NKAIN2: variants seen among roughly 807,000 people sequenced by gnomAD.
The protein encoded by NKAIN2 is sodium/potassium transporting ATPase interacting 2, also known as sodium/potassium-transporting ATPase subunit beta-1-interacting protein 2.
A neutral mutation model predicts 32.6 loss-of-function variants in NKAIN2; 14 were observed. The observed-to-expected ratio is 0.43, with a 90% CI of 0.28 to 0.67. The LOEUF (loss-of-function observed/expected upper bound fraction) is 0.67, where lower values mean the gene tolerates loss of function less well. Ranked by LOEUF, NKAIN2 falls within the 30% of genes least tolerant of loss-of-function variation. NKAIN2 has a pLI of 0.17. For missense variants in NKAIN2, 198 were observed against 258.3 expected (o/e 0.77, Z 1.60); for synonymous variants, 80 against 87.2 (o/e 0.92, Z 0.46).
chr6:124,410,804 C>T (rs934684390), intron 3 of NKAIN2, among the ~76,000 whole-genome samples: 3 of 152,156 alleles, frequency 2.0e-5, no homozygotes, highest in Admixed American at 6.5e-5. Flanking sequence ...GTTAAAGTCT[C>T]CCATTATTAT....
chr6:124,218,726 G>T (rs1791619988), intron 1 of NKAIN2, among the ~76,000 whole-genome samples: 1 of 152,146 alleles, frequency 6.6e-6, no homozygotes, highest in African/African-American at 2.4e-5. Flanking sequence ...GATAGATTTA[G>T]TGTGCTCTGT....
At chr6:124,415,374 C>T (rs1264150539) in intron 3 of NKAIN2, among the ~76,000 whole-genome samples, 1 of 152,186 alleles carries the variant, frequency 6.6e-6, no homozygotes, top group African/African-American at 2.4e-5. Flanking sequence ...AACTATATTA[C>T]AAAGGATACA....
At chr6:124,667,464 TA>T (rs1302229739) in intron 4 of NKAIN2, among the ~76,000 whole-genome samples, 1 of 152,126 alleles carries the variant, frequency 6.6e-6, no homozygotes, top group Non-Finnish European at 1.5e-5. Context: ...ATAAGTAAAG[TA>T]TATGAAGATA....
At chr6:124,684,717 A>C (rs993956281) in intron 4 of NKAIN2, among the ~76,000 whole-genome samples, 1 of 152,118 alleles carries the variant, frequency 6.6e-6, no homozygotes, top group East Asian at 1.9e-4. Context: ...CTGCAGCCTC[A>C]TTCATTAGTT....
intron 1 of NKAIN2, among the ~76,000 whole-genome samples, chr6:123,878,348 A>G (rs981355362): frequency 6.6e-6 from 1 of 152,194 alleles, no homozygotes; most frequent in Non-Finnish European, 1.5e-5. Flanking sequence ...TTACTGAATT[A>G]GTCATTTCCT....
chr6:124,431,637 C>T (rs1474824543), intron 3 of NKAIN2, among the ~76,000 whole-genome samples: 1 of 152,060 alleles, frequency 6.6e-6, no homozygotes, highest in African/African-American at 2.4e-5. Flanking sequence ...GATATAACAT[C>T]TATGGAAAAT....
intron 4 of NKAIN2, among the ~76,000 whole-genome samples, chr6:124,735,697 G>A (rs892983301): frequency 1.7e-4 from 26 of 151,598 alleles, no homozygotes; most frequent in South Asian, 1.0e-3. Flanking sequence ...CAACTATTTC[G>A]TTGTTATCGT....
intron 1 of NKAIN2, among the ~76,000 whole-genome samples, chr6:124,274,024 T>C (rs1426545359): frequency 1.3e-5 from 2 of 152,206 alleles, no homozygotes; most frequent in Non-Finnish European, 2.9e-5. Context: ...CAGGAAGGCC[T>C]GCACTGTGAT....
At chr6:124,171,473 A>G (rs1788853761) in intron 1 of NKAIN2, among the ~76,000 whole-genome samples, 1 of 151,814 alleles carries the variant, frequency 6.6e-6, no homozygotes. Context: ...TCTTAAAGCA[A>G]TTAGAAAACC....
At chr6:124,432,205 G>A (rs1775248080) in intron 3 of NKAIN2, among the ~76,000 whole-genome samples, 1 of 152,134 alleles carries the variant, frequency 6.6e-6, no homozygotes, top group South Asian at 2.1e-4. Flanking sequence ...GGGTCAGAAA[G>A]TCAGGGAATT....
chr6:124,470,768 T>C (rs1481249519), intron 3 of NKAIN2, among the ~76,000 whole-genome samples: 1 of 152,096 alleles, frequency 6.6e-6, no homozygotes, highest in Non-Finnish European at 1.5e-5. Flanking sequence ...AATGGGGAGA[T>C]AGATGAATTG....
At chr6:124,229,501 CAGAT>C (rs371937856) in intron 1 of NKAIN2, among the ~76,000 whole-genome samples, 4,592 of 142,930 alleles carry the variant, frequency 0.032, 74 homozygotes, top group African/African-American at 0.049. Context: ...GATAGATAGA[CAGAT>C]AGATAGATAG....
intron 4 of NKAIN2, among the ~76,000 whole-genome samples, chr6:124,714,633 G>C (rs546201905): frequency 1.9e-4 from 29 of 152,152 alleles, no homozygotes; most frequent in African/African-American, 6.8e-4. Context: ...GAGAAGTTTC[G>C]CAGGCCGTCT....
At chr6:124,734,188 ATAAG>A (rs1160215872) in intron 4 of NKAIN2, among the ~76,000 whole-genome samples, 3 of 151,930 alleles carry the variant, frequency 2.0e-5, no homozygotes, top group East Asian at 1.9e-4. Flanking sequence ...GTTCAAGAAA[ATAAG>A]TAAGTATTGG....
chr6:124,302,912 A>G (rs569845102), intron 2 of NKAIN2, among the ~76,000 whole-genome samples: 1 of 152,338 alleles, frequency 6.6e-6, no homozygotes, highest in South Asian at 2.1e-4. Context: ...GCAAAGCAGC[A>G]AGAAAGAGCA....
intron 5 of NKAIN2, among the ~76,000 whole-genome samples, chr6:124,816,450 G>A (rs141174666): frequency 1.3e-5 from 2 of 152,272 alleles, no homozygotes; most frequent in South Asian, 2.1e-4. Flanking sequence ...ATGTGTCAAT[G>A]TAGGTTCACT....
chr6:124,025,429 A>C (rs1781062129), intron 1 of NKAIN2, among the ~76,000 whole-genome samples: 1 of 151,280 alleles, frequency 6.6e-6, no homozygotes, highest in Non-Finnish European at 1.5e-5. Context: ...CCTGGCAGCA[A>C]AGCCTAGATG....
intron 3 of NKAIN2, among the ~76,000 whole-genome samples, chr6:124,465,284 A>G (rs1377975176): frequency 5.3e-5 from 8 of 152,176 alleles, no homozygotes; most frequent in Non-Finnish European, 8.8e-5. Flanking sequence ...CATATACACC[A>G]TGGAATACTA....
At chr6:124,029,960 A>C (rs1447240901) in intron 1 of NKAIN2, among the ~76,000 whole-genome samples, 1 of 151,976 alleles carries the variant, frequency 6.6e-6, no homozygotes, top group Non-Finnish European at 1.5e-5. Context: ...AGTGGTTCAC[A>C]CCTGTAATCC....
Sources: allele counts gnomAD v4.1 joint callset (sites outside exome capture counted in the v4.1 genomes callset), GRCh38; gene constraint gnomAD v4.1.1; transcripts MANE v1.5; gene names NCBI Gene and HGNC (gene_info 2026-07-23, HGNC 2026-07-21).